Variants in GCFC2 observed in about 807,000 individuals in gnomAD.
The protein encoded by GCFC2 is intron Large complex component GCFC2.
A neutral mutation model predicts 99.4 loss-of-function variants in GCFC2; 102 were observed. The ratio of observed to expected loss-of-function variants is 1.03; its 90% confidence interval spans 0.87 to 1.21. The LOEUF is 1.21. Ranked by LOEUF, GCFC2 falls within the 50% of genes most tolerant of loss-of-function variation. GCFC2 has a pLI of 0.00. For synonymous variants in GCFC2, 338 were observed against 316.8 expected, an observed-to-expected ratio of 1.07 and a Z score of -0.71; for missense variants, 973 against 920.9, an observed-to-expected ratio of 1.06 and a Z score of -0.73.
rs895681957 is a variant in GCFC2 at position 75,701,911 on chromosome 2, G to A, written c.619+288C>T. On this transcript the variant is annotated intron_variant, in intron 3 of 16. Coordinates refer to ENST00000321027, the MANE Select transcript of GCFC2 (RefSeq NM_003203.5). ...TATATTTATACAGGTAAAAACGATC[G>A]TTTTCAATGCTTTGAAAGTAAGATA... 2.6e-5 allele frequency: 30 copies of A among 1,136,840 alleles called. No individual in the cohort carries two copies. The African/African-American group carries it at 3.6e-4, about 14-fold the overall frequency. 70.4% of individuals were successfully genotyped at this position (1,136,840 alleles called of 1,614,324 possible).
In GCFC2 at chr2:75,696,087, C is replaced by T. The variant is rs371480992; in HGVS notation, c.833+113G>A. 3.0e-4 allele frequency: 151 copies of T among 497,402 alleles called. 2 individuals carry two copies. Among genetic ancestry groups the T allele is most frequent in the Non-Finnish European group, 3.7e-4 (100 of 272,162 alleles). 30.8% of individuals were successfully genotyped at this position (497,402 alleles called of 1,614,324 possible). ...ATGATAACACAGGAGATCCTTTTTC[C>T]CCCCCATAAGTCTGTTTAATATCAG... is the stretch of plus-strand genomic sequence containing the variant. On this transcript the variant is annotated intron_variant, in intron 5 of 16. Coordinates refer to ENST00000321027, the MANE Select transcript of GCFC2 (RefSeq NM_003203.5).
chr2:75,706,721 C>T, intron 1 of GCFC2, 70 bp from the exon 2 acceptor site: 2 of 991,290 alleles, frequency 2.0e-6, no homozygotes, highest in Non-Finnish European at 1.5e-6. Context: ...AAATTCTGAA[C>T]AACACATGGC....
chr2:75,701,762 G>C, intron 3 of GCFC2: 1 of 616,688 alleles, frequency 1.6e-6, no homozygotes, highest in Non-Finnish European at 2.0e-6. Context: ...TATCATAAAT[G>C]AGAAATATGA....
At chr2:75,667,538 C>G (rs1678899747) in intron 15 of GCFC2, among the ~76,000 whole-genome samples, 1 of 151,728 alleles carries the variant, frequency 6.6e-6, no homozygotes, top group South Asian at 2.1e-4. Flanking sequence ...AGGAAAAATA[C>G]TGACACACTG....
At chr2:75,671,630 C>T (rs1447092503) in intron 14 of GCFC2, among the ~76,000 whole-genome samples, 1 of 152,026 alleles carries the variant, frequency 6.6e-6, no homozygotes, top group Non-Finnish European at 1.5e-5. Context: ...TTATAGGGTC[C>T]GTGAGCTAAG....
chr2:75,691,859 G>T, intron 7 of GCFC2, 118 bp downstream of exon 7: 2 of 400,068 alleles, frequency 5.0e-6, no homozygotes, highest in Admixed American at 4.9e-5. Context: ...AAGTTGGTGG[G>T]TAAAGGGTTT....
intron 12 of GCFC2, among the ~76,000 whole-genome samples, chr2:75,677,754 G>A (rs559570382): frequency 2.0e-5 from 3 of 152,054 alleles, no homozygotes; most frequent in Non-Finnish European, 4.4e-5. Flanking sequence ...CGAGGTGGGC[G>A]GATCACAAGG....
intron 4 of GCFC2, among the ~76,000 whole-genome samples, chr2:75,700,224 T>C (rs547449699): frequency 9.9e-5 from 15 of 152,278 alleles, no homozygotes; most frequent in Admixed American, 3.9e-4. Flanking sequence ...AAGACCCCTA[T>C]TGTTGGATAT....
Position 75,666,951 on chromosome 2 carries a change from C to T in GCFC2, c.2104-898G>A, listed in dbSNP as rs577005783. Among the ~76,000 whole-genome samples, 16 of 152,232 alleles carry T rather than the reference C, an allele frequency of 1.1e-4. No homozygotes were observed. In the South Asian group the frequency reaches 1.5e-3, roughly 14 times the overall value. ...TGTATATATTTAAAGCTCCGTGCTA[C>T]GTGTGGGATTGTAACTGCAAGTGGG... On this transcript the variant is annotated intron_variant, in intron 15 of 16. Transcript: ENST00000321027.
chr2:75,681,949 G>T (rs1343163121), intron 11 of GCFC2, among the ~76,000 whole-genome samples: 1 of 151,910 alleles, frequency 6.6e-6, no homozygotes, highest in Non-Finnish European at 1.5e-5. Flanking sequence ...CCCAGTCAGG[G>T]ACTTAGAGAT....
At chr2:75,676,856 AT>A in intron 12 of GCFC2, among the ~76,000 whole-genome samples, 1 of 152,178 alleles carries the variant, frequency 6.6e-6, no homozygotes, top group East Asian at 1.9e-4. Flanking sequence ...TTGGATTCTA[AT>A]TCTACCATCC....
rs1220796030 is a variant in GCFC2, at chr2:75,675,775, A to G, written c.1813-2255T>C. On this transcript the variant is annotated intron_variant, in intron 12 of 16. Coordinates refer to ENST00000321027, the MANE Select transcript of GCFC2 (RefSeq NM_003203.5). ...AAAAAAAAACAAAAAAAAGAAAAGA[A>G]ACCTCCCATAAATTCACATATTTTA... Among the ~76,000 whole-genome samples the G allele has an allele frequency of 2.0e-5, 3 of 151,750 alleles. No homozygotes were observed. The East Asian group carries it at 5.8e-4, about 29-fold the overall frequency.
At chr2:75,675,728 A>C (rs576824036) in intron 12 of GCFC2, among the ~76,000 whole-genome samples, 2 of 144,288 alleles carry the variant, frequency 1.4e-5, no homozygotes, top group Admixed American at 1.4e-4. Context: ...TGGGTGACAG[A>C]GTAAGGTTCT....
intron 1 of GCFC2, among the ~76,000 whole-genome samples, chr2:75,709,807 CAT>C (rs1491218662): frequency 1.3e-5 from 2 of 152,172 alleles, no homozygotes; most frequent in Non-Finnish European, 2.9e-5. Flanking sequence ...TAAGTATATA[CAT>C]TTTTTACTTC....
upstream of GCFC2, chr2:75,711,070 A>C (rs1681164642): frequency 1.5e-6 from 2 of 1,307,504 alleles, no homozygotes; most frequent in Admixed American, 4.2e-5. Context: ...TGAGTTTGCA[A>C]AGCATTCCCT....
chr2:75,668,301 C>G (rs1678938423), intron 15 of GCFC2, among the ~76,000 whole-genome samples: 1 of 152,130 alleles, frequency 6.6e-6, no homozygotes, highest in Admixed American at 6.5e-5. Context: ...TGCACTCTCC[C>G]ATGTAGCATG....
Position 75,710,608 on chromosome 2 carries a change from C to A in GCFC2, c.248G>T (p.Arg83Leu). The A allele has an allele frequency of 1.3e-6, 2 of 1,514,390 alleles. No homozygotes were observed. Among genetic ancestry groups the A allele is most frequent in the South Asian group, 2.4e-5 (2 of 82,038 alleles). 93.8% of individuals were successfully genotyped at this position (1,514,390 alleles called of 1,614,324 possible). A position where few individuals can be genotyped will look rare whatever the true frequency, so the allele number is the denominator to read the frequency against. The part of the protein sequence containing the change: ...SSRRATKAAP[R>L]ADEGSESRTL... The stretch of plus-strand genomic sequence containing the variant: ...CTGGACACCTGAGCCTTCGTCCGCG[C>A]GGGGAGCCGCTTTGGTGGCACGCCG... Residue 83 changes from arginine (R) to leucine (L), a missense_variant, in exon 1 of 17, where the codon CGC (arginine) becomes CTC (leucine). By Grantham distance (102) the Arg-to-Leu change is moderately radical. Transcript: ENST00000321027.
intron 2 of GCFC2, among the ~76,000 whole-genome samples, chr2:75,704,540 G>A (rs1680748952): frequency 1.3e-5 from 2 of 152,114 alleles, no homozygotes; most frequent in Admixed American, 6.6e-5. Flanking sequence ...TTGCCTCTAG[G>A]GCACTATGTG....
intron 2 of GCFC2, among the ~76,000 whole-genome samples, chr2:75,702,662 TG>T (rs2104405425): frequency 6.6e-6 from 1 of 152,322 alleles, no homozygotes; most frequent in Admixed American, 6.5e-5. Flanking sequence ...ATACTGAAAC[TG>T]CTTCATTTTA....
Sources: allele counts gnomAD v4.1 joint callset (sites outside exome capture counted in the v4.1 genomes callset), GRCh38; gene constraint gnomAD v4.1.1; transcripts MANE v1.5; gene names NCBI Gene and HGNC (gene_info 2026-07-23, HGNC 2026-07-21).